TRAPPC9: variants seen among roughly 807,000 people sequenced by gnomAD.
TRAPPC9 encodes the protein trafficking protein particle complex subunit 9, also known as IKK2 binding protein.
In TRAPPC9, 83 loss-of-function variants were observed where a neutral mutation model predicts 124.0. The observed-to-expected ratio is 0.67, with a 90% CI of 0.56 to 0.80. The LOEUF (loss-of-function observed/expected upper bound fraction) is 0.80. Ranked by LOEUF, TRAPPC9 falls within the 30% of genes least tolerant of loss-of-function variation. The pLI is 0.00. For missense variants in TRAPPC9, 1,302 were observed against 1,508.3 expected, an observed-to-expected ratio of 0.86 and a Z score of 2.27; for synonymous variants, 638 against 617.5, an observed-to-expected ratio of 1.03 and a Z score of -0.49.
intron 19 of TRAPPC9, among the ~76,000 whole-genome samples, chr8:139,973,363 T>C (rs2927052): frequency 0.77 from 117,227 of 152,096 alleles, 46,196 homozygotes; most frequent in East Asian, 0.92. Context: ...CTGTGATCAC[T>C]GTCTGCCCTT....
In TRAPPC9 at chr8:140,457,691, G is replaced by T. The variant is rs560899052; in HGVS notation, c.-63C>A. The T allele has an allele frequency of 3.0e-6, 3 of 987,180 alleles. No homozygotes were observed. The African/African-American group carries it at 5.2e-5, about 17-fold the overall frequency. The allele number at this position is 987,180 out of a possible 1,614,324, so 61.2% of individuals were successfully genotyped here. On this transcript the variant is annotated 5_prime_UTR_variant, in exon 1 of 23. Transcript: ENST00000438773. ...GGAGCCCACGACCTGGCGGGCAGCG[G>T]GGCCGAGCAGCCTCTGCGGCCACTT...
At chr8:140,180,679 A>AT (rs11292362) in intron 17 of TRAPPC9, among the ~76,000 whole-genome samples, 114 of 138,152 alleles carry the variant, frequency 8.3e-4, no homozygotes, top group African/African-American at 1.7e-3. Flanking sequence ...GTTAACAGCT[A>AT]TTTTTTTTTT....
At chr8:140,458,570 TCCCGACTTTGAGGGC>T, upstream of TRAPPC9, 1 of 1,566,508 alleles carries the variant, frequency 6.4e-7, no homozygotes, top group Non-Finnish European at 8.6e-7. Flanking sequence ...ACCATGGCAC[TCCCGACTTTGAGGGC>T]CCCAACAATC....
chr8:140,366,513 A>C (rs1329723936), intron 8 of TRAPPC9, among the ~76,000 whole-genome samples: 1 of 152,174 alleles, frequency 6.6e-6, no homozygotes, highest in Non-Finnish European at 1.5e-5. Flanking sequence ...AAATAACTGG[A>C]CATCCACAAG....
intron 19 of TRAPPC9, among the ~76,000 whole-genome samples, chr8:139,955,587 A>G (rs1834917828): frequency 6.6e-6 from 1 of 152,230 alleles, no homozygotes; most frequent in Non-Finnish European, 1.5e-5. Context: ...CAGCCAGTCC[A>G]GAAACAGGCA....
At chr8:140,323,067 G>A (rs1460323455) in intron 9 of TRAPPC9, among the ~76,000 whole-genome samples, 3 of 152,154 alleles carry the variant, frequency 2.0e-5, no homozygotes, top group South Asian at 2.1e-4. Context: ...GCCCCACCAC[G>A]GGGGACGGGA....
chr8:139,767,704 A>C (rs1180778921), intron 21 of TRAPPC9, among the ~76,000 whole-genome samples: 1 of 152,258 alleles, frequency 6.6e-6, no homozygotes, highest in East Asian at 1.9e-4. Context: ...CAAGCACTTC[A>C]TCAAAGAAGA....
chr8:140,388,952 C>T lies in TRAPPC9; in HGVS notation c.1134+8668G>A, dbSNP rs2068839984. Among the ~76,000 whole-genome samples the T allele has an allele frequency of 6.2e-5, 9 of 146,282 alleles. No individual in the cohort carries two copies. In the South Asian group the frequency reaches 1.7e-3, roughly 28 times the overall value. On this transcript the variant is annotated intron_variant, in intron 7 of 22. Transcript: ENST00000438773. ...TAATCTAGACACAGAAGGACAAACA[C>T]TGTCTTTTTTTTTTTTTTTTTTTTG...
intron 2 of TRAPPC9, among the ~76,000 whole-genome samples, chr8:140,450,355 T>C (rs755632711): frequency 6.6e-6 from 1 of 152,066 alleles, no homozygotes; most frequent in East Asian, 1.9e-4. Flanking sequence ...AGTAAGACTC[T>C]GTCTCAAAAA....
intron 17 of TRAPPC9, among the ~76,000 whole-genome samples, chr8:140,051,863 TC>T (rs1230534733): frequency 2.0e-5 from 3 of 152,154 alleles, no homozygotes; most frequent in Non-Finnish European, 4.4e-5. Context: ...GTTTTCACTC[TC>T]CTGTAAGATC....
intron 21 of TRAPPC9, among the ~76,000 whole-genome samples, chr8:139,760,423 G>A (rs1007356094): frequency 1.3e-5 from 2 of 152,138 alleles, no homozygotes; most frequent in African/African-American, 2.4e-5. Flanking sequence ...GAAAGTGACC[G>A]CACGCTCAGA....
Position 139,907,661 on chromosome 8 carries a change from G to A in TRAPPC9, c.2964+2486C>T, listed in dbSNP as rs571633621. ...GACAATCAAGCTCTCATAAACTTCC[G>A]ATCAGTAAATGTATGGGGCAGATGT... On this transcript the variant is annotated intron_variant, in intron 20 of 22. Coordinates refer to ENST00000438773, the MANE Select transcript of TRAPPC9 (RefSeq NM_001160372.4). The surrounding 1 kb of genome is among the most constrained non-coding windows in gnomAD (Gnocchi z 4.7). 2.0e-5 allele frequency among the ~76,000 whole-genome samples: 3 copies of A among 152,124 alleles called. No homozygotes were observed. Among genetic ancestry groups the A allele is most frequent in the South Asian group, 2.1e-4 (1 of 4,830 alleles).
At chr8:140,114,712 G>A (rs966862401) in intron 17 of TRAPPC9, among the ~76,000 whole-genome samples, 3 of 152,180 alleles carry the variant, frequency 2.0e-5, no homozygotes, top group East Asian at 1.9e-4. Context: ...TATGTGGCAC[G>A]TGAGGAGGAA....
chr8:140,455,781 TCAA>T (rs941686176), intron 1 of TRAPPC9, among the ~76,000 whole-genome samples: 12 of 152,224 alleles, frequency 7.9e-5, no homozygotes, highest in African/African-American at 2.6e-4. Flanking sequence ...CAAATGTCCA[TCAA>T]CTGCCTGATA....
chr8:139,918,583 C>A (rs1045473894), intron 19 of TRAPPC9, among the ~76,000 whole-genome samples: 11 of 152,236 alleles, frequency 7.2e-5, no homozygotes, highest in African/African-American at 2.7e-4. Context: ...CCCTTTAGGA[C>A]TCAGCCAGAC....
intron 21 of TRAPPC9, among the ~76,000 whole-genome samples, chr8:139,784,610 T>TAC (rs1480922333): frequency 3.8e-5 from 1 of 26,664 alleles, no homozygotes; most frequent in African/African-American, 2.3e-4. Context: ...AAGACTGACA[T>TAC]ATATATATAT....
At chr8:140,240,028 C>T (rs933964071) in intron 16 of TRAPPC9, among the ~76,000 whole-genome samples, 4 of 152,100 alleles carry the variant, frequency 2.6e-5, no homozygotes, top group African/African-American at 7.2e-5. Flanking sequence ...CGTTCAAGAG[C>T]GATGGCTCTC....
At chr8:140,225,557 A>C (rs954896367) in intron 16 of TRAPPC9, among the ~76,000 whole-genome samples, 1 of 152,226 alleles carries the variant, frequency 6.6e-6, no homozygotes, top group Non-Finnish European at 1.5e-5. Context: ...CCACGACACC[A>C]TAATGCCTGC....
intron 17 of TRAPPC9, among the ~76,000 whole-genome samples, chr8:140,131,966 C>T (rs903524772): frequency 2.0e-5 from 3 of 152,228 alleles, no homozygotes; most frequent in African/African-American, 7.2e-5. Context: ...GCAGCATGAA[C>T]TTTCACAGTC....
Sources: gnomAD v4.1 joint callset for allele counts (sites outside exome capture counted in the v4.1 genomes callset) on GRCh38, gnomAD v4.1.1 for gene constraint, Gnocchi (gnomAD v3.1) non-coding constraint, MANE v1.5 for transcripts, NCBI Gene and HGNC (gene_info 2026-07-23, HGNC 2026-07-21) for gene names.